Variants in ADGB observed in about 807,000 individuals in gnomAD.
ADGB encodes the protein androglobin.
A neutral mutation model predicts 210.5 loss-of-function variants in ADGB; 172 were observed. That is an observed-to-expected ratio of 0.82 (90% CI 0.72 to 0.93). The LOEUF (loss-of-function observed/expected upper bound fraction) is 0.93. Ranked by LOEUF, ADGB falls within the 40% of genes least tolerant of loss-of-function variation. ADGB has a pLI of 0.00. For synonymous variants in ADGB, 658 were observed against 662.7 expected, an observed-to-expected ratio of 0.99 and a Z score of 0.11; for missense variants, 2,025 against 1,964.8, an observed-to-expected ratio of 1.03 and a Z score of -0.58.
intron 27 of ADGB, among the ~76,000 whole-genome samples, chr6:146,753,966 A>G (rs1418434961): frequency 4.0e-5 from 6 of 151,532 alleles, no homozygotes; most frequent in Non-Finnish European, 8.9e-5. Context: ...AGACTTTTAA[A>G]TTCTCCAGGA....
At chr6:146,716,276 G>A (rs989792790) in intron 14 of ADGB, among the ~76,000 whole-genome samples, 1 of 152,008 alleles carries the variant, frequency 6.6e-6, no homozygotes, top group Non-Finnish European at 1.5e-5. Flanking sequence ...GCTAATTTGT[G>A]TTGTAACTTC....
intron 5 of ADGB, among the ~76,000 whole-genome samples, chr6:146,661,074 G>A (rs1176872548): frequency 6.6e-6 from 1 of 150,812 alleles, no homozygotes. Context: ...AAATATACAT[G>A]CATAGCTTAT....
At chr6:146,721,708 C>T (rs761786570) in intron 17 of ADGB, among the ~76,000 whole-genome samples, 15 of 152,018 alleles carry the variant, frequency 9.9e-5, no homozygotes, top group Non-Finnish European at 1.8e-4. Flanking sequence ...CGTGATGGCA[C>T]GTACCTGTAT....
intron 1 of ADGB, among the ~76,000 whole-genome samples, chr6:146,631,298 G>GT (rs1781061045): frequency 6.6e-6 from 1 of 152,140 alleles, no homozygotes; most frequent in Non-Finnish European, 1.5e-5. Flanking sequence ...GGCTTTGCAT[G>GT]TGCTGAATAA....
At chr6:146,768,586 T>A (rs1336506762) in intron 28 of ADGB, among the ~76,000 whole-genome samples, 4 of 152,166 alleles carry the variant, frequency 2.6e-5, no homozygotes, top group Admixed American at 2.0e-4. Context: ...GAATTCCAGA[T>A]ATAGTGAACA....
chr6:146,723,751 T>C (rs980846975), intron 17 of ADGB, among the ~76,000 whole-genome samples: 4 of 152,098 alleles, frequency 2.6e-5, no homozygotes, highest in African/African-American at 7.2e-5. Flanking sequence ...AAATAAATAA[T>C]TTTTTTGATA....
At chr6:146,668,255 G>T (rs1162097012) in intron 7 of ADGB, among the ~76,000 whole-genome samples, 1 of 152,044 alleles carries the variant, frequency 6.6e-6, no homozygotes, top group African/African-American at 2.4e-5. Context: ...CTACAGTACA[G>T]TTATCAACCT....
At position 146,771,600 on chromosome 6, in the gene ADGB, ATCAATT is replaced by A. The variant is rs1777654640; in HGVS notation, c.3862+2470_3862+2475del. Among the ~76,000 whole-genome samples, 7 of 152,074 alleles carry A rather than the reference ATCAATT, an allele frequency of 4.6e-5. No individual in the cohort carries two copies. The South Asian group carries it at 1.5e-3, about 32-fold the overall frequency. On this transcript the variant is annotated intron_variant, in intron 29 of 35. Coordinates refer to ENST00000397944, the MANE Select transcript of ADGB (RefSeq NM_024694.4). Reference sequence around the variant, plus strand: ...ACCATTCTCTGTCTTCTTTTTCTCTATCAATTAACAGAAACCTGTTTGAAATAATGG... The same window carrying A: ...ACCATTCTCTGTCTTCTTTTTCTCTAAACAGAAACCTGTTTGAAATAATGG...
intron 19 of ADGB, among the ~76,000 whole-genome samples, chr6:146,727,003 C>G (rs1776904815): frequency 6.6e-6 from 1 of 151,994 alleles, no homozygotes; most frequent in Non-Finnish European, 1.5e-5. Context: ...TTCTCTTGCT[C>G]TTCTGTTCTG....
intron 27 of ADGB, among the ~76,000 whole-genome samples, chr6:146,755,526 T>C (rs78554154): frequency 0.037 from 5,701 of 152,184 alleles, 142 homozygotes; most frequent in Middle Eastern, 0.065. Context: ...AAAAAGGATG[T>C]GTTTGCTTCC....
intron 1 of ADGB, among the ~76,000 whole-genome samples, chr6:146,633,498 C>T (rs1781094791): frequency 6.6e-6 from 1 of 151,932 alleles, no homozygotes; most frequent in Admixed American, 6.6e-5. Flanking sequence ...AATCAACTTC[C>T]ATTGCTTTTC....
intron 13 of ADGB, among the ~76,000 whole-genome samples, chr6:146,704,545 T>C (rs1040196011): frequency 6.6e-6 from 1 of 152,076 alleles, no homozygotes; most frequent in African/African-American, 2.4e-5. Context: ...CAAAATCATT[T>C]ACTGAAGAGA....
At chr6:146,782,568 C>T (rs959750275) in intron 30 of ADGB, among the ~76,000 whole-genome samples, 2 of 152,024 alleles carry the variant, frequency 1.3e-5, no homozygotes, top group African/African-American at 2.4e-5. Flanking sequence ...CTAATACAGC[C>T]CCTTCCAGGA....
chr6:146,677,181 T>C (rs1776097004), intron 9 of ADGB, among the ~76,000 whole-genome samples: 1 of 152,148 alleles, frequency 6.6e-6, no homozygotes, highest in African/African-American at 2.4e-5. Context: ...AAACAAATTG[T>C]ATCAGGTTGA....
At chr6:146,694,840 T>C (rs1443119013) in intron 12 of ADGB, among the ~76,000 whole-genome samples, 1 of 152,162 alleles carries the variant, frequency 6.6e-6, no homozygotes, top group African/African-American at 2.4e-5. Context: ...TTTCTATTCT[T>C]ATTAAAGCTA....
chr6:146,678,732 T>C (rs1010599092), intron 9 of ADGB, among the ~76,000 whole-genome samples: 4 of 152,212 alleles, frequency 2.6e-5, no homozygotes, highest in Non-Finnish European at 5.9e-5. Context: ...TAGAGATTTA[T>C]ATATATTTAC....
rs117843592 is a variant in ADGB at position 146,604,233 on chromosome 6, T to C, written c.74+5119T>C. Among the ~76,000 whole-genome samples the C allele has an allele frequency of 5.3e-3, 807 of 152,218 alleles. 6 individuals are homozygous for C. The highest frequency in any genetic ancestry group is 8.3e-3 in the Non-Finnish European group (562 of 68,012). On this transcript the variant is annotated intron_variant, in intron 1 of 35. Transcript: ENST00000397944. ...CTTTTTTTAATAGTCATTCCAAATA[T>C]CATGAGATGCATTGTTACAGGAAGT... is the stretch of plus-strand genomic sequence containing the variant.
At chr6:146,730,015 C>A (rs1776956428) in intron 20 of ADGB, among the ~76,000 whole-genome samples, 1 of 152,100 alleles carries the variant, frequency 6.6e-6, no homozygotes, top group Non-Finnish European at 1.5e-5. Flanking sequence ...GTAGCATTGC[C>A]AGATTTAGCA....
chr6:146,728,438 A>G (rs2114580316), intron 19 of ADGB, 136 bp from the exon 20 acceptor site: 1 of 928,076 alleles, frequency 1.1e-6, no homozygotes, highest in East Asian at 2.7e-5. Context: ...TAGTAAAGCT[A>G]CCTTGATATC....
Sources: allele counts gnomAD v4.1 joint callset (sites outside exome capture counted in the v4.1 genomes callset), GRCh38; gene constraint gnomAD v4.1.1; transcripts MANE v1.5; gene names NCBI Gene and HGNC (gene_info 2026-07-23, HGNC 2026-07-21).